GNA13: variants seen among roughly 807,000 people sequenced by gnomAD.
The protein encoded by GNA13 is G protein subunit alpha 13, also known as guanine nucleotide-binding protein subunit alpha-13.
GNA13 carries 4 observed loss-of-function variants against 33.5 expected under a neutral mutation model. The observed-to-expected ratio is 0.12, with a 90% CI of 0.06 to 0.27. GNA13 has a LOEUF of 0.27. Among genes scored for constraint, GNA13 ranks in the 10% least tolerant of loss-of-function variants. The pLI, the probability that GNA13 is intolerant of heterozygous loss-of-function variation, is 1.00. For synonymous variants in GNA13, 176 were observed against 183.8 expected (o/e 0.96, Z 0.34); for missense variants, 319 against 487.2 (o/e 0.65, Z 3.25).
At chr17:65,023,343 A>G (rs1387454754) in intron 2 of GNA13, among the ~76,000 whole-genome samples, 1 of 152,240 alleles carries the variant, frequency 6.6e-6, no homozygotes, top group Non-Finnish European at 1.5e-5. Flanking sequence ...TCAGCAGGTC[A>G]TGAGTTTCTG....
Position 65,013,541 on chromosome 17 carries a change from AC to A in GNA13, c.*715del. ...AAAGGCAAATTCTATTTCACTCGTT[AC>A]GTTTGACCAAAACACGGTAAACAGC... On this transcript the variant is annotated 3_prime_UTR_variant, in exon 4 of 4. Transcript: ENST00000439174. 4.6e-6 allele frequency: 1 copy of A among 218,044 alleles called. No individual in the cohort carries two copies. The highest frequency in any genetic ancestry group is 9.2e-6 in the Non-Finnish European group (1 of 108,236). The allele number at this position is 218,044 out of a possible 1,614,324, so 13.5% of individuals were successfully genotyped here.
At position 65,056,559 on chromosome 17, in the gene GNA13, G is replaced by T; in HGVS notation, c.35C>A (p.Ser12Tyr). 1 of 1,611,046 alleles carries T rather than the reference G, an allele frequency of 6.2e-7. No homozygotes were observed. The highest frequency in any genetic ancestry group is 8.5e-7 in the Non-Finnish European group (1 of 1,179,604). The change falls in exon 1 of 4, where the codon TCC (serine) becomes TAC (tyrosine). Residue 12 changes from serine to tyrosine, a missense_variant. Transcript: ENST00000439174. ...ADFLPSRSVLSVCFPGCLLTS... is the reference protein window; with the variant it reads ...ADFLPSRSVLYVCFPGCLLTS... ...CAGCAGGCAGCCGGGGAAGCACACGGACAGCACGGACCGCGACGGCAGGAA... is the reference window on the plus strand; with the variant it reads ...CAGCAGGCAGCCGGGGAAGCACACGTACAGCACGGACCGCGACGGCAGGAA...
chr17:65,028,442 TAAGG>T lies in GNA13; in HGVS notation c.511-10143_511-10140del, dbSNP rs1460890709. On this transcript the variant is annotated intron_variant, in intron 2 of 3. Coordinates refer to ENST00000439174, the MANE Select transcript of GNA13 (RefSeq NM_006572.6). The stretch of plus-strand genomic sequence containing the variant: ...AAAAAAAAAAATACCACCTACCATA[TAAGG>T]AAGAAAGTGGAAAAAAAAAACCCAC... 6.2e-5 allele frequency among the ~76,000 whole-genome samples: 9 copies of T among 146,280 alleles called. No homozygotes were observed. In the East Asian group the frequency reaches 1.6e-3, roughly 26 times the overall value.
Position 65,010,142 on chromosome 17 carries a change from T to C in GNA13, c.*4115A>G, listed in dbSNP as rs1458688469. On this transcript the variant is annotated 3_prime_UTR_variant, in exon 4 of 4. Transcript: ENST00000439174. Reference sequence around the variant, plus strand: ...GCATTTGAAACCAGATGGTAAGACCTGAATGCTACAAGAGTGAACATAACT... The same window carrying C: ...GCATTTGAAACCAGATGGTAAGACCCGAATGCTACAAGAGTGAACATAACT... Among the ~76,000 whole-genome samples, 1 of 152,230 alleles carries C rather than the reference T, an allele frequency of 6.6e-6. No individual in the cohort carries two copies. Among genetic ancestry groups the C allele is most frequent in the Non-Finnish European group, 1.5e-5 (1 of 68,038 alleles).
chr17:65,051,077 C>G (rs1447563226), intron 2 of GNA13, among the ~76,000 whole-genome samples: 1 of 152,224 alleles, frequency 6.6e-6, no homozygotes, highest in East Asian at 1.9e-4. Flanking sequence ...AATTAAAAAA[C>G]TGTCCATGAA....
intron 2 of GNA13, among the ~76,000 whole-genome samples, chr17:65,036,927 G>A (rs1907270889): frequency 6.6e-6 from 1 of 152,204 alleles, no homozygotes; most frequent in Non-Finnish European, 1.5e-5. Context: ...CTCCCCACTA[G>A]ATTGGGAGCC....
chr17:65,028,220 C>T (rs769041023), intron 2 of GNA13, among the ~76,000 whole-genome samples: 5 of 151,668 alleles, frequency 3.3e-5, no homozygotes, highest in Non-Finnish European at 7.4e-5. Context: ...AGCGAGACTC[C>T]GTCTCAAAAA....
At chr17:65,042,608 G>A (rs965044513) in intron 2 of GNA13, among the ~76,000 whole-genome samples, 1 of 151,446 alleles carries the variant, frequency 6.6e-6, no homozygotes, top group Admixed American at 6.6e-5. Context: ...ATGGTGGTGC[G>A]GGCCTGTAGT....
rs566875804 is a variant in GNA13 at position 65,030,182 on chromosome 17, T to C, written c.511-11879A>G. Among the ~76,000 whole-genome samples the C allele has an allele frequency of 2.6e-5, 4 of 152,264 alleles. No homozygotes were observed. The South Asian group carries it at 6.2e-4, about 24-fold the overall frequency. ...GAAGAGAATAATATAAAGATAGAAT[T>C]TGGAAGGAGCAAAGATGATGACAAA... On this transcript the variant is annotated intron_variant, in intron 2 of 3. Coordinates refer to ENST00000439174, the MANE Select transcript of GNA13 (RefSeq NM_006572.6).
chr17:65,046,020 C>T (rs1400568043), intron 2 of GNA13, among the ~76,000 whole-genome samples: 1 of 152,130 alleles, frequency 6.6e-6, no homozygotes. Context: ...TTATTATTTA[C>T]TAGGTCTGTG....
chr17:65,017,311 T>C (rs751008482), intron 3 of GNA13, among the ~76,000 whole-genome samples: 8 of 152,218 alleles, frequency 5.3e-5, no homozygotes. Flanking sequence ...TAAAGGCTGC[T>C]TCACATGAAG....
chr17:65,051,023 G>A (rs894423457), intron 2 of GNA13, among the ~76,000 whole-genome samples: 1 of 152,086 alleles, frequency 6.6e-6, no homozygotes, highest in African/African-American at 2.4e-5. Context: ...TCAACAATGA[G>A]GACATGACAG....
intron 2 of GNA13, 43 bp downstream of exon 2, chr17:65,053,459 C>G: frequency 8.2e-7 from 1 of 1,224,594 alleles, no homozygotes; most frequent in Non-Finnish European, 1.2e-6. Context: ...TACTAAACAT[C>G]ATTAAAATAA....
At position 65,014,205 on chromosome 17, in the gene GNA13, CAGA is replaced by C; in HGVS notation, c.*49_*51del. 1 of 1,081,330 alleles carries C rather than the reference CAGA, an allele frequency of 9.2e-7. No individual in the cohort carries two copies. The highest frequency in any genetic ancestry group is 1.4e-6 in the Non-Finnish European group (1 of 728,688). 67.0% of individuals were successfully genotyped at this position (1,081,330 alleles called of 1,614,324 possible). A position where few individuals can be genotyped will look rare whatever the true frequency, so the allele number is the denominator to read the frequency against. ...CTGCTATTTTAAAAAACAAAACAAACAGAAAACATCAAAAACACAAAAAGATAT... is the reference window on the plus strand; with the variant it reads ...CTGCTATTTTAAAAAACAAAACAAACAAACATCAAAAACACAAAAAGATAT... On this transcript the variant is annotated 3_prime_UTR_variant, in exon 4 of 4. Transcript: ENST00000439174. The surrounding 1 kb of genome is among the most constrained non-coding windows in gnomAD (Gnocchi z 5.3).
intron 2 of GNA13, among the ~76,000 whole-genome samples, chr17:65,032,279 T>TA (rs796298229): frequency 5.3e-5 from 8 of 152,284 alleles, no homozygotes; most frequent in African/African-American, 1.7e-4. Flanking sequence ...TATTAGTACT[T>TA]ACACTCAATT....
intron 2 of GNA13, among the ~76,000 whole-genome samples, chr17:65,023,725 G>A (rs1906672276): frequency 6.6e-6 from 1 of 152,114 alleles, no homozygotes; most frequent in African/African-American, 2.4e-5. Flanking sequence ...AATTTCCAGT[G>A]GACATAATAT....
intron 2 of GNA13, among the ~76,000 whole-genome samples, chr17:65,031,821 G>A (rs1437921422): frequency 6.7e-6 from 1 of 148,900 alleles, no homozygotes; most frequent in Admixed American, 6.8e-5. Flanking sequence ...AGGTGAGGTA[G>A]GGGGTACTAT....
intron 1 of GNA13, 60 bp downstream of exon 1, chr17:65,056,251 A>ACCCCCCCCCCCCCCCCC: frequency 1.8e-5 from 13 of 740,718 alleles, no homozygotes; most frequent in East Asian, 1.3e-4. Context: ...CCCGCCCCGC[A>ACCCCCCCCCCCCCCCCC]CCCGCCGCCG....
intron 2 of GNA13, among the ~76,000 whole-genome samples, chr17:65,052,637 T>C (rs1343911581): frequency 2.0e-5 from 3 of 152,226 alleles, no homozygotes; most frequent in Non-Finnish European, 4.4e-5. Context: ...GATTAAAAAT[T>C]TGTTTCAACT....
Sources: gnomAD v4.1 joint callset for allele counts (sites outside exome capture counted in the v4.1 genomes callset) on GRCh38, gnomAD v4.1.1 for gene constraint, Gnocchi (gnomAD v3.1) non-coding constraint, MANE v1.5 for transcripts, NCBI Gene and HGNC (gene_info 2026-07-23, HGNC 2026-07-21) for gene names.